Variants in SENP7 observed in about 807,000 individuals in gnomAD.
SENP7 encodes sentrin-specific protease 7.
SENP7 carries 64 observed loss-of-function variants against 141.2 expected under a neutral mutation model. The observed-to-expected ratio is 0.45, with a 90% CI of 0.37 to 0.56. SENP7 has a LOEUF of 0.56. SENP7 is among the 20% of genes least tolerant of loss of function. The pLI is 0.00. For missense variants in SENP7, 1,025 were observed against 1,212.2 expected (o/e 0.85, Z 2.29); for synonymous variants, 382 against 426.4 (o/e 0.90, Z 1.28).
Position 101,429,785 on chromosome 3 carries a change from C to T in SENP7, c.285-11995G>A, listed in dbSNP as rs554722318. 2.6e-5 allele frequency among the ~76,000 whole-genome samples: 4 copies of T among 152,272 alleles called. No homozygotes were observed. The South Asian group carries it at 8.3e-4, about 32-fold the overall frequency. The stretch of plus-strand genomic sequence containing the variant: ...CTTGCGCCAGTTGTCAAATGGAATG[C>T]TTCCAGTTTTTGCCCATTCAGTATG... On this transcript the variant is annotated intron_variant, in intron 4 of 23. Coordinates refer to ENST00000394095, the MANE Select transcript of SENP7 (RefSeq NM_020654.5).
chr3:101,451,749 C>G (rs1363970363), intron 4 of SENP7, among the ~76,000 whole-genome samples: 3 of 152,154 alleles, frequency 2.0e-5, no homozygotes. Context: ...AACTCACAGC[C>G]AATATCATAC....
intron 3 of SENP7, among the ~76,000 whole-genome samples, chr3:101,482,964 G>A (rs941668783): frequency 6.6e-6 from 1 of 152,150 alleles, no homozygotes; most frequent in African/African-American, 2.4e-5. Flanking sequence ...TGCTGGCAAG[G>A]CTGTAAAGAA....
At chr3:101,382,597 C>G (rs1281584885) in intron 6 of SENP7, among the ~76,000 whole-genome samples, 1 of 152,104 alleles carries the variant, frequency 6.6e-6, no homozygotes, top group Non-Finnish European at 1.5e-5. Flanking sequence ...TTTAAAAATA[C>G]TAAAACATTC....
intron 5 of SENP7, among the ~76,000 whole-genome samples, chr3:101,415,034 C>A (rs2061571479): frequency 6.6e-6 from 1 of 152,162 alleles, no homozygotes; most frequent in Non-Finnish European, 1.5e-5. Context: ...TTGCCAACAT[C>A]CTGTTTACCA....
At chr3:101,471,590 A>G (rs111342930) in intron 3 of SENP7, among the ~76,000 whole-genome samples, 60,463 of 152,028 alleles carry the variant, frequency 0.4, 12,530 homozygotes, top group Admixed American at 0.54. Context: ...ATATAGGCAT[A>G]GGCAAGAACT....
intron 4 of SENP7, among the ~76,000 whole-genome samples, chr3:101,443,431 G>A (rs1326644640): frequency 2.8e-5 from 4 of 144,932 alleles, no homozygotes; most frequent in Non-Finnish European, 4.6e-5. Context: ...TTGGCGATGC[G>A]GGCTCTTTTT....
Position 101,325,459 on chromosome 3 carries a change from TA to T in SENP7, c.*483del, listed in dbSNP as rs1459062716. On this transcript the variant is annotated 3_prime_UTR_variant, in exon 24 of 24. Coordinates refer to ENST00000394095, the MANE Select transcript of SENP7 (RefSeq NM_020654.5). ...ATTTTCTGAAGCCTTGATACTAAATTATTTTTTTAAAAAATACACAGTATTC... is the reference window on the plus strand; with the variant it reads ...ATTTTCTGAAGCCTTGATACTAAATTTTTTTTTAAAAAATACACAGTATTC... The T allele has an allele frequency of 6.6e-6, 1 of 152,558 alleles. No individual in the cohort carries two copies. Among genetic ancestry groups the T allele is most frequent in the Non-Finnish European group, 1.5e-5 (1 of 68,028 alleles). 9.5% of individuals were successfully genotyped at this position (152,558 alleles called of 1,614,324 possible).
chr3:101,428,992 G>C (rs1337586642), intron 4 of SENP7, among the ~76,000 whole-genome samples: 1 of 152,178 alleles, frequency 6.6e-6, no homozygotes, highest in Non-Finnish European at 1.5e-5. Context: ...TCAAAGATCT[G>C]ATGGTTGTAG....
chr3:101,438,784 C>T (rs2062489882), intron 4 of SENP7, among the ~76,000 whole-genome samples: 1 of 152,326 alleles, frequency 6.6e-6, no homozygotes, highest in African/African-American at 2.4e-5. Flanking sequence ...ATGAATTCAA[C>T]TGAACATTTA....
At chr3:101,404,876 G>A (rs2061252994) in intron 5 of SENP7, among the ~76,000 whole-genome samples, 1 of 152,020 alleles carries the variant, frequency 6.6e-6, no homozygotes, top group South Asian at 2.1e-4. Flanking sequence ...ACAATGAGAC[G>A]CACAGTGAGA....
intron 3 of SENP7, among the ~76,000 whole-genome samples, chr3:101,475,099 G>A (rs2064162281): frequency 6.6e-6 from 1 of 152,048 alleles, no homozygotes; most frequent in African/African-American, 2.4e-5. Flanking sequence ...CAGACAAATA[G>A]GCATTAAGTT....
chr3:101,463,374 T>C (rs1291637479), intron 3 of SENP7, among the ~76,000 whole-genome samples: 1 of 85,986 alleles, frequency 1.2e-5, no homozygotes, highest in African/African-American at 5.3e-5. Context: ...AATATATATA[T>C]ATATATATAT....
At position 101,501,076 on chromosome 3, in the gene SENP7, T is replaced by A. The variant is rs763425298; in HGVS notation, c.84A>T (p.Leu28Phe). ...EGKRKKSSSD[L>F]SEIRKMLNAK... The stretch of plus-strand genomic sequence containing the variant: ...AAGCAAAACAAATGCATACCTCCGA[T>A]AAATCAGAAGATGACTTTTTCCTTT... Residue 28 changes from leucine (L) to phenylalanine (F), a missense_variant, in exon 2 of 24, where the codon TTA becomes TTT. Leu to Phe is a conservative substitution (Grantham distance 22). Transcript: ENST00000394095. 31 of 1,604,244 alleles carry A rather than the reference T, an allele frequency of 1.9e-5. No individual in the cohort carries two copies. The highest frequency in any genetic ancestry group is 2.6e-5 in the Non-Finnish European group (30 of 1,173,868).
chr3:101,375,260 A>G (rs1308513312), intron 6 of SENP7, among the ~76,000 whole-genome samples: 1 of 152,142 alleles, frequency 6.6e-6, no homozygotes, highest in Non-Finnish European at 1.5e-5. Context: ...AGCTAAACAC[A>G]GGCCGAGCAC....
rs781011863 is a variant in SENP7 at position 101,372,005 on chromosome 3, A to C, written c.796+3T>G. On this transcript the variant is annotated splice_donor_region_variant and intron_variant, in intron 7 of 23. Coordinates refer to ENST00000394095, the MANE Select transcript of SENP7 (RefSeq NM_020654.5). ...TTCCAACAGTTTTCTAAGGTTCACA[A>C]ACCTTCAGGCTGAGTATCAGATATT... 40 of 1,402,570 alleles carry C rather than the reference A, an allele frequency of 2.9e-5. No homozygotes were observed. The South Asian group carries it at 6.5e-4, about 23-fold the overall frequency. The allele number at this position is 1,402,570 out of a possible 1,614,324, so 86.9% of individuals were successfully genotyped here. A position where few individuals can be genotyped will look rare whatever the true frequency, so the allele number is the denominator to read the frequency against.
chr3:101,473,225 T>C (rs1326864771), intron 3 of SENP7, among the ~76,000 whole-genome samples: 4 of 152,222 alleles, frequency 2.6e-5, no homozygotes, highest in Admixed American at 1.3e-4. Context: ...AATAGAACAA[T>C]GTATATTCCT....
At chr3:101,406,189 G>A (rs1186624327) in intron 5 of SENP7, among the ~76,000 whole-genome samples, 1 of 152,152 alleles carries the variant, frequency 6.6e-6, no homozygotes, top group African/African-American at 2.4e-5. Flanking sequence ...CAAGCCAAAT[G>A]TCCATCAAAG....
At chr3:101,331,135 T>C (rs2059037716) in intron 19 of SENP7, among the ~76,000 whole-genome samples, 4 of 152,044 alleles carry the variant, frequency 2.6e-5, no homozygotes, top group African/African-American at 7.2e-5. Context: ...AATGGTATAA[T>C]ACTATTAATT....
intron 4 of SENP7, among the ~76,000 whole-genome samples, chr3:101,427,975 G>C (rs2062021143): frequency 6.6e-6 from 1 of 151,876 alleles, no homozygotes; most frequent in African/African-American, 2.4e-5. Flanking sequence ...TGTTTCTTTT[G>C]TGAGAATGAT....
Sources: allele counts gnomAD v4.1 joint callset (sites outside exome capture counted in the v4.1 genomes callset), GRCh38; gene constraint gnomAD v4.1.1; transcripts MANE v1.5; gene names NCBI Gene and HGNC (gene_info 2026-07-23, HGNC 2026-07-21).